RIT2: variants seen among roughly 807,000 people sequenced by gnomAD.
RIT2 encodes the protein Ras like without CAAX 2.
RIT2 carries 24 observed loss-of-function variants against 23.7 expected under a neutral mutation model. The observed-to-expected ratio is 1.01, with a 90% CI of 0.73 to 1.43. RIT2 has a LOEUF of 1.43. Among genes scored for constraint, RIT2 ranks in the 40% most tolerant of loss-of-function variants. The pLI, the probability that RIT2 is intolerant of heterozygous loss-of-function variation, is 0.00. For missense variants in RIT2, 236 were observed against 266.9 expected, an observed-to-expected ratio of 0.88 and a Z score of 0.81; for synonymous variants, 107 against 91.1, an observed-to-expected ratio of 1.17 and a Z score of -0.99.
At chr18:42,972,651 C>T (rs1910389126) in intron 3 of RIT2, among the ~76,000 whole-genome samples, 1 of 151,634 alleles carries the variant, frequency 6.6e-6, no homozygotes, top group Non-Finnish European at 1.5e-5. Context: ...CCCTTTCTCC[C>T]ATAAGAGGTA....
chr18:42,857,480 C>G (rs1435257632), intron 4 of RIT2, among the ~76,000 whole-genome samples: 3 of 152,146 alleles, frequency 2.0e-5, no homozygotes, highest in African/African-American at 4.8e-5. Flanking sequence ...AGATCCTTAG[C>G]ATAAGAGCTT....
At chr18:43,046,046 T>A (rs1912239430) in intron 1 of RIT2, among the ~76,000 whole-genome samples, 1 of 152,148 alleles carries the variant, frequency 6.6e-6, no homozygotes, top group Admixed American at 6.6e-5. Context: ...ATGACATCAA[T>A]CTAAAGGCAA....
At chr18:42,951,624 G>T (rs1218408873) in intron 3 of RIT2, among the ~76,000 whole-genome samples, 1 of 151,800 alleles carries the variant, frequency 6.6e-6, no homozygotes, top group Non-Finnish European at 1.5e-5. Context: ...AACATTATAT[G>T]ATCCAGTAAT....
At chr18:43,076,262 G>C (rs1189250099) in intron 1 of RIT2, among the ~76,000 whole-genome samples, 1 of 152,162 alleles carries the variant, frequency 6.6e-6, no homozygotes, top group Non-Finnish European at 1.5e-5. Context: ...AGAATGTGTT[G>C]ACCGATTTCT....
intron 4 of RIT2, among the ~76,000 whole-genome samples, chr18:42,901,637 C>T (rs921415218): frequency 7.2e-5 from 11 of 151,966 alleles, no homozygotes; most frequent in Non-Finnish European, 1.2e-4. Context: ...TTTAAAAAAT[C>T]TGTATAACTC....
rs116951584 is a variant in RIT2, at chr18:42,799,606, T to C, written c.427-55886A>G. ...AGAAACAAACCCAGGCCTCTTCTTT[T>C]CTTCAATGACCACTTTCTTATAATA... On this transcript the variant is annotated intron_variant, in intron 4 of 4. Coordinates refer to ENST00000326695, the MANE Select transcript of RIT2 (RefSeq NM_002930.4). 2.9e-3 allele frequency among the ~76,000 whole-genome samples: 440 copies of C among 152,300 alleles called. 2 individuals are homozygous for C. Among genetic ancestry groups the C allele is most frequent in the Non-Finnish European group, 4.9e-3 (330 of 68,020 alleles).
intron 4 of RIT2, among the ~76,000 whole-genome samples, chr18:42,789,022 A>G (rs992089570): frequency 3.3e-5 from 5 of 152,166 alleles, no homozygotes; most frequent in African/African-American, 1.2e-4. Flanking sequence ...ATTCAAAGAC[A>G]TTCTTTTATT....
chr18:42,980,524 C>T (rs1479805315), intron 2 of RIT2, among the ~76,000 whole-genome samples: 2 of 152,098 alleles, frequency 1.3e-5, no homozygotes, highest in South Asian at 2.1e-4. Flanking sequence ...CAGTATCTCT[C>T]TGATACCCCC....
intron 1 of RIT2, among the ~76,000 whole-genome samples, chr18:43,048,005 G>A (rs1912289277): frequency 6.6e-6 from 1 of 152,118 alleles, no homozygotes; most frequent in Non-Finnish European, 1.5e-5. Flanking sequence ...GCAGATGTGG[G>A]CTGACTCAGG....
At chr18:43,065,388 C>T (rs1912749104) in intron 1 of RIT2, among the ~76,000 whole-genome samples, 1 of 151,966 alleles carries the variant, frequency 6.6e-6, no homozygotes. Flanking sequence ...GAACCACCAA[C>T]ATCGGCTATC....
intron 4 of RIT2, among the ~76,000 whole-genome samples, chr18:42,898,739 C>T (rs142348423): frequency 2.0e-4 from 31 of 152,204 alleles, no homozygotes; most frequent in South Asian, 4.2e-4. Context: ...TAGTTATCTT[C>T]GATCTTGCCT....
At chr18:43,004,962 G>A (rs1007451193) in intron 2 of RIT2, among the ~76,000 whole-genome samples, 1 of 151,754 alleles carries the variant, frequency 6.6e-6, no homozygotes, top group African/African-American at 2.4e-5. Flanking sequence ...TGAGAGAGGG[G>A]GAAAAATAAT....
At chr18:43,079,396 C>T (rs1221138655) in intron 1 of RIT2, among the ~76,000 whole-genome samples, 2 of 152,122 alleles carry the variant, frequency 1.3e-5, no homozygotes, top group Non-Finnish European at 2.9e-5. Context: ...TTCTATTCCG[C>T]TATAAACATT....
intron 3 of RIT2, among the ~76,000 whole-genome samples, chr18:42,936,174 T>G (rs1217250940): frequency 1.3e-5 from 2 of 152,000 alleles, no homozygotes; most frequent in African/African-American, 4.8e-5. Context: ...CTTTAGGAAA[T>G]TAGCTCCAGT....
chr18:43,024,051 TAA>T (rs1227454368), intron 2 of RIT2, among the ~76,000 whole-genome samples: 2 of 152,018 alleles, frequency 1.3e-5, no homozygotes, highest in African/African-American at 4.8e-5. Context: ...TGCTAAAAAA[TAA>T]AAGTCAGATG....
At chr18:42,860,882 GAA>G in intron 4 of RIT2, among the ~76,000 whole-genome samples, 2 of 151,966 alleles carry the variant, frequency 1.3e-5, no homozygotes, top group Non-Finnish European at 2.9e-5. Context: ...TTGTATGAGG[GAA>G]AAAAAATCTT....
chr18:42,755,306 G>A (rs952188045), intron 4 of RIT2, among the ~76,000 whole-genome samples: 3 of 151,876 alleles, frequency 2.0e-5, no homozygotes, highest in African/African-American at 4.8e-5. Flanking sequence ...CTCCCTCATC[G>A]ATTATATCCT....
At chr18:43,114,787 T>G (rs1914030918) in intron 1 of RIT2, among the ~76,000 whole-genome samples, 1 of 152,202 alleles carries the variant, frequency 6.6e-6, no homozygotes, top group Admixed American at 6.5e-5. Flanking sequence ...TCATCTTCAT[T>G]TATTTGTGTA....
chr18:42,796,963 C>T (rs1411234548), intron 4 of RIT2, among the ~76,000 whole-genome samples: 1 of 152,032 alleles, frequency 6.6e-6, no homozygotes, highest in Admixed American at 6.6e-5. Context: ...TTAAAAATCC[C>T]TTTTTTCCTG....
Sources: allele counts gnomAD v4.1 joint callset (sites outside exome capture counted in the v4.1 genomes callset), GRCh38; gene constraint gnomAD v4.1.1; transcripts MANE v1.5; gene names NCBI Gene and HGNC (gene_info 2026-07-23, HGNC 2026-07-21).